The following EPB41L2 variants were observed in gnomAD, a reference collection of about 807,000 sequenced individuals.
EPB41L2 encodes the protein band 4.1-like protein 2.
A neutral mutation model predicts 113.0 loss-of-function variants in EPB41L2; 43 were observed. That is an observed-to-expected ratio of 0.38 (90% confidence interval 0.30 to 0.49). The LOEUF (loss-of-function observed/expected upper bound fraction) is 0.49, where lower values mean the gene tolerates loss of function less well. EPB41L2 is among the 20% of genes least tolerant of loss of function. The pLI, the probability that EPB41L2 is intolerant of heterozygous loss-of-function variation, is 0.95. For missense variants in EPB41L2, 1,147 were observed against 1,223.4 expected, an observed-to-expected ratio of 0.94 and a Z score of 0.93; for synonymous variants, 442 against 436.7, an observed-to-expected ratio of 1.01 and a Z score of -0.15.
At chr6:130,853,003 C>T (rs1200661506) in intron 19 of EPB41L2, among the ~76,000 whole-genome samples, 2 of 152,228 alleles carry the variant, frequency 1.3e-5, no homozygotes, top group Non-Finnish European at 1.5e-5. Context: ...GTTCCCATTA[C>T]ACGAGGTTCA....
chr6:131,047,713 A>G (rs1795725840), intron 1 of EPB41L2, among the ~76,000 whole-genome samples: 1 of 152,244 alleles, frequency 6.6e-6, no homozygotes, highest in African/African-American at 2.4e-5. Flanking sequence ...TTTGATTTTT[A>G]TAACTGTATA....
At chr6:130,945,079 A>G (rs1812342287) in intron 3 of EPB41L2, among the ~76,000 whole-genome samples, 1 of 152,196 alleles carries the variant, frequency 6.6e-6, no homozygotes, top group South Asian at 2.1e-4. Context: ...CATGCCCATT[A>G]AATTATTCCT....
At chr6:130,966,139 G>T (rs1775103202) in intron 1 of EPB41L2, among the ~76,000 whole-genome samples, 1 of 152,228 alleles carries the variant, frequency 6.6e-6, no homozygotes, top group Non-Finnish European at 1.5e-5. Flanking sequence ...CAGGCCACAG[G>T]TTGGACAAGC....
At chr6:131,031,910 G>A (rs1769378011) in intron 1 of EPB41L2, among the ~76,000 whole-genome samples, 1 of 152,146 alleles carries the variant, frequency 6.6e-6, no homozygotes. Context: ...ACTCTTTCTT[G>A]AAGAGAGCAT....
At chr6:130,876,563 C>CA in intron 14 of EPB41L2, 1 of 532,518 alleles carries the variant, frequency 1.9e-6, no homozygotes, top group Non-Finnish European at 2.9e-6. Flanking sequence ...AAAATCATTT[C>CA]AAAAAAATTT....
intron 11 of EPB41L2, among the ~76,000 whole-genome samples, chr6:130,885,606 G>A (rs937248011): frequency 6.6e-6 from 1 of 152,084 alleles, no homozygotes; most frequent in Non-Finnish European, 1.5e-5. Flanking sequence ...TACAAGGTAA[G>A]CAGTATTTTA....
intron 3 of EPB41L2, among the ~76,000 whole-genome samples, chr6:130,937,833 A>AAGAAG (rs1809389023): frequency 1.3e-5 from 2 of 150,380 alleles, no homozygotes; most frequent in African/African-American, 5.0e-5. Context: ...AAAAAAAAAA[A>AAGAAG]AAGATTAACA....
intron 1 of EPB41L2, among the ~76,000 whole-genome samples, chr6:130,977,718 C>T (rs552403091): frequency 6.6e-6 from 1 of 152,292 alleles, no homozygotes; most frequent in South Asian, 2.1e-4. Flanking sequence ...GAACATCAAA[C>T]GTCCTCAAAC....
intron 5 of EPB41L2, among the ~76,000 whole-genome samples, chr6:130,906,867 CA>C (rs934883421): frequency 6.6e-5 from 10 of 152,156 alleles, no homozygotes; most frequent in Admixed American, 5.2e-4. Flanking sequence ...ATGATGGGTA[CA>C]GTACAGGATG....
chr6:130,943,328 T>C (rs1200354965), intron 3 of EPB41L2, among the ~76,000 whole-genome samples: 7 of 152,242 alleles, frequency 4.6e-5, no homozygotes, highest in Admixed American at 4.6e-4. Context: ...AACAAAAATG[T>C]GTCCAAACTG....
chr6:130,904,931 A>T (rs202187819), intron 5 of EPB41L2, among the ~76,000 whole-genome samples: 10,911 of 32,452 alleles, frequency 0.34, 856 homozygotes, highest in African/African-American at 0.53. Flanking sequence ...TTTTTTTTTT[A>T]AAATTCAGGA....
chr6:130,922,456 G>C (rs1038112174), intron 4 of EPB41L2, among the ~76,000 whole-genome samples: 3 of 152,148 alleles, frequency 2.0e-5, no homozygotes, highest in African/African-American at 7.2e-5. Flanking sequence ...ACTGACAGAA[G>C]GTTTACAACT....
chr6:130,882,859 A>C (rs1357021770), intron 12 of EPB41L2: 1 of 152,780 alleles, frequency 6.5e-6, no homozygotes, highest in Non-Finnish European at 1.5e-5. Context: ...AGAAGTAACC[A>C]AACTCAGAAT....
chr6:130,991,847 T>A (rs1266502190), intron 1 of EPB41L2, among the ~76,000 whole-genome samples: 1 of 152,134 alleles, frequency 6.6e-6, no homozygotes, highest in Admixed American at 6.5e-5. Flanking sequence ...TAAAAAAATA[T>A]TTTTTCAAGC....
chr6:130,997,268 A>T (rs1783355137), intron 1 of EPB41L2, among the ~76,000 whole-genome samples: 1 of 152,232 alleles, frequency 6.6e-6, no homozygotes, highest in African/African-American at 2.4e-5. Context: ...GCCACTTAGC[A>T]AATTAGAGAG....
chr6:131,047,842 A>G (rs898687731), intron 1 of EPB41L2, among the ~76,000 whole-genome samples: 1 of 152,184 alleles, frequency 6.6e-6, no homozygotes, highest in Non-Finnish European at 1.5e-5. Context: ...GGGAGGAAGA[A>G]AAGAAAAAAG....
chr6:130,966,463 C>T (rs1775213602), intron 1 of EPB41L2, among the ~76,000 whole-genome samples: 1 of 152,086 alleles, frequency 6.6e-6, no homozygotes, highest in South Asian at 2.1e-4. Flanking sequence ...AGGTTGAAAG[C>T]AAAGCGTGTG....
intron 3 of EPB41L2, among the ~76,000 whole-genome samples, chr6:130,927,146 T>C (rs116351849): frequency 9.9e-4 from 151 of 152,324 alleles, no homozygotes; most frequent in African/African-American, 3.3e-3. Context: ...TTTGGTTTCA[T>C]GTTTGATTTT....
Position 130,950,602 on chromosome 6 carries a change from T to C in EPB41L2, c.705+4503A>G, listed in dbSNP as rs778486253. Among the ~76,000 whole-genome samples, 53 of 152,210 alleles carry C rather than the reference T, an allele frequency of 3.5e-4. 1 individual carries two copies. The highest frequency in any genetic ancestry group is 7.1e-4 in the Non-Finnish European group (48 of 68,042). ...CCAAGACAGTTTTAAAGTCAAGTTCTACCAGATCACCAAAAATAGACCAAC... is the reference window on the plus strand; with the variant it reads ...CCAAGACAGTTTTAAAGTCAAGTTCCACCAGATCACCAAAAATAGACCAAC... On this transcript the variant is annotated intron_variant, in intron 3 of 19. Coordinates refer to ENST00000337057, the MANE Select transcript of EPB41L2 (RefSeq NM_001431.4).
Sources: allele counts gnomAD v4.1 joint callset (sites outside exome capture counted in the v4.1 genomes callset), GRCh38; gene constraint gnomAD v4.1.1; transcripts MANE v1.5; gene names NCBI Gene and HGNC (gene_info 2026-07-23, HGNC 2026-07-21).